The following EGFL8 variants were observed in gnomAD, a reference collection of about 807,000 sequenced individuals.
EGFL8 encodes the protein epidermal growth factor-like protein 8.
In EGFL8, 32 loss-of-function variants were observed where a neutral mutation model predicts 39.4. The observed-to-expected ratio is 0.81, with a 90% CI of 0.61 to 1.09. The LOEUF (loss-of-function observed/expected upper bound fraction) is 1.09, where lower values mean the gene tolerates loss of function less well. Ranked by LOEUF, EGFL8 falls within the 50% of genes least tolerant of loss-of-function variation. EGFL8 has a pLI of 0.00. For synonymous variants in EGFL8, 177 were observed against 168.5 expected (o/e 1.05, Z -0.39); for missense variants, 385 against 402.2 (o/e 0.96, Z 0.37).
rs1561837574 is a variant in EGFL8, at chr6:32,167,447, G to C, written c.681+18G>C. ...TGGAGCAGGTGAGCCAAGCCTGCTG[G>C]GTGGGGCGAGGCCAGACGTCACTGT... On this transcript the variant is annotated intron_variant, in intron 7 of 8. Transcript: ENST00000333845. The surrounding 1 kb of genome is among the most constrained non-coding windows in gnomAD (Gnocchi z 6.4). 1 of 1,612,430 alleles carries C rather than the reference G, an allele frequency of 6.2e-7. No homozygotes were observed. Among genetic ancestry groups the C allele is most frequent in the South Asian group, 1.1e-5 (1 of 91,084 alleles).
Position 32,166,322 on chromosome 6 carries a change from G to A in EGFL8, c.101+56G>A. The A allele has an allele frequency of 6.2e-7, 1 of 1,601,636 alleles. No homozygotes were observed. The highest frequency in any genetic ancestry group is 1.1e-5 in the South Asian group (1 of 90,764). ...AGCTCTTCTCAGGAGCCTTCTGCTGGGGGTGGGGCTTCACAGGAGGCAAAA... is the reference window on the plus strand; with the variant it reads ...AGCTCTTCTCAGGAGCCTTCTGCTGAGGGTGGGGCTTCACAGGAGGCAAAA... On this transcript the variant is annotated intron_variant, in intron 2 of 8. Coordinates refer to ENST00000333845, the MANE Select transcript of EGFL8 (RefSeq NM_030652.4). The surrounding 1 kb of genome is among the most constrained non-coding windows in gnomAD (Gnocchi z 7.3).
rs1266005901 is a variant in EGFL8, at chr6:32,164,803, G to C, written c.-29+146G>C. 3.2e-6 allele frequency: 2 copies of C among 630,166 alleles called. No individual in the cohort carries two copies. Among genetic ancestry groups the C allele is most frequent in the Non-Finnish European group, 5.9e-6 (2 of 341,802 alleles). The allele number at this position is 630,166 out of a possible 1,614,324, so 39.0% of individuals were successfully genotyped here. On this transcript the variant is annotated intron_variant, in intron 1 of 8. Coordinates refer to ENST00000333845, the MANE Select transcript of EGFL8 (RefSeq NM_030652.4). This position sits in a 1 kb window ranked among gnomAD's most constrained non-coding sequence, Gnocchi z 5.4. ...TGTGCATTTAGGGCGTTATGTGACG[G>C]TGTGGGTATATGAGGGGAGTAGCAG...
chr6:32,167,454 C>T lies in EGFL8; in HGVS notation c.681+25C>T, dbSNP rs376334907. 20 of 1,611,794 alleles carry T rather than the reference C, an allele frequency of 1.2e-5. No individual in the cohort carries two copies. The highest frequency in any genetic ancestry group is 1.6e-4 in the Middle Eastern group (1 of 6,084). ...GGTGAGCCAAGCCTGCTGGGTGGGGCGAGGCCAGACGTCACTGTCAATACC... is the reference window on the plus strand; with the variant it reads ...GGTGAGCCAAGCCTGCTGGGTGGGGTGAGGCCAGACGTCACTGTCAATACC... On this transcript the variant is annotated intron_variant, in intron 7 of 8. Coordinates refer to ENST00000333845, the MANE Select transcript of EGFL8 (RefSeq NM_030652.4). This position sits in a 1 kb window ranked among gnomAD's most constrained non-coding sequence, Gnocchi z 6.4.
In EGFL8 at chr6:32,168,089, G is replaced by C; in HGVS notation, c.*133G>C. The C allele has an allele frequency of 5.1e-6, 5 of 971,370 alleles. No individual in the cohort carries two copies. Among genetic ancestry groups the C allele is most frequent in the South Asian group, 1.5e-5 (1 of 67,604 alleles). The allele number at this position is 971,370 out of a possible 1,614,324, so 60.2% of individuals were successfully genotyped here. On this transcript the variant is annotated 3_prime_UTR_variant, in exon 9 of 9. Coordinates refer to ENST00000333845, the MANE Select transcript of EGFL8 (RefSeq NM_030652.4). The surrounding 1 kb of genome is among the most constrained non-coding windows in gnomAD (Gnocchi z 4.5). ...AGCAATGAACAATGGAAACTTCAGAGAGCTGAAGAAAGGGGGAGGCCTGTG... is the reference window on the plus strand; with the variant it reads ...AGCAATGAACAATGGAAACTTCAGACAGCTGAAGAAAGGGGGAGGCCTGTG...
Position 32,167,650 on chromosome 6 carries a change from G to C in EGFL8, c.829G>C (p.Gly277Arg), listed in dbSNP as rs35587174. ...GGTGCTGCTGCTGGAGGAGAGGCTA[G>C]GTGCCTGTGAGTCCTCACACTCCTC... is the stretch of plus-strand genomic sequence containing the variant. ...DQVLLLEERLGACSCEDNSLG... is the reference protein window; with the variant it reads ...DQVLLLEERLRACSCEDNSLG... The change falls in exon 8 of 9, where the codon GGT (glycine) becomes CGT (arginine). Residue 277 changes from glycine to arginine, a missense_variant. By Grantham distance (125) the Gly-to-Arg change is moderately radical. Transcript: ENST00000333845. The surrounding 1 kb of genome is among the most constrained non-coding windows in gnomAD (Gnocchi z 6.4). The C allele has an allele frequency of 3.7e-6, 6 of 1,606,054 alleles. No individual in the cohort carries two copies. The highest frequency in any genetic ancestry group is 4.2e-6 in the Non-Finnish European group (5 of 1,177,422).
chr6:32,167,909 G>A lies in EGFL8; in HGVS notation c.836-1G>A, dbSNP rs761837516. On this transcript the variant is annotated splice_acceptor_variant, in intron 8 of 8. Transcript: ENST00000333845. LOFTEE classifies it high-confidence loss of function. This position sits in a 1 kb window ranked among gnomAD's most constrained non-coding sequence, Gnocchi z 6.4. ...ACTGTGTCTGCCATGTCATTAACCA[G>A]GCTCCTGTGAGGACAACAGCCTGGG... The A allele has an allele frequency of 6.2e-7, 1 of 1,614,176 alleles. No individual in the cohort carries two copies. The highest frequency in any genetic ancestry group is 8.5e-7 in the Non-Finnish European group (1 of 1,180,038).
rs1434001330 is a variant in EGFL8, at chr6:32,164,659, T to G, written c.-29+2T>G. ...AGCCTCCCAGGAGAAAGAAGCCAGG[T>G]GGGAATGGAGAGAGAGAGGAAGGCA... On this transcript the variant is annotated splice_donor_variant, in intron 1 of 8. Transcript: ENST00000333845. LOFTEE classifies it low-confidence loss of function (5UTR_SPLICE). This position sits in a 1 kb window ranked among gnomAD's most constrained non-coding sequence, Gnocchi z 5.4. 1 of 717,012 alleles carries G rather than the reference T, an allele frequency of 1.4e-6. No individual in the cohort carries two copies. Among genetic ancestry groups the G allele is most frequent in the Admixed American group, 2.0e-5 (1 of 50,142 alleles). The allele number at this position is 717,012 out of a possible 1,614,324, so 44.4% of individuals were successfully genotyped here.
In EGFL8 at chr6:32,167,348, A is replaced by C. The variant is rs2127406163; in HGVS notation, c.602-2A>C. On this transcript the variant is annotated splice_acceptor_variant, in intron 6 of 8. Transcript: ENST00000333845. LOFTEE classifies it high-confidence loss of function. This position sits in a 1 kb window ranked among gnomAD's most constrained non-coding sequence, Gnocchi z 6.4. ...CACACTCTTGGTCTCCTTTGTCCCT[A>C]GTTCGGGAGGCGGAAAAAGATGAGC... 1 of 1,612,998 alleles carries C rather than the reference A, an allele frequency of 6.2e-7. No individual in the cohort carries two copies. Among genetic ancestry groups the C allele is most frequent in the East Asian group, 2.2e-5 (1 of 44,872 alleles).
At position 32,167,926 on chromosome 6, in the gene EGFL8, C is replaced by G; in HGVS notation, c.852C>G (p.Asn284Lys). 6.2e-7 allele frequency: 1 copy of G among 1,614,224 alleles called. No individual in the cohort carries two copies. The highest frequency in any genetic ancestry group is 8.5e-7 in the Non-Finnish European group (1 of 1,180,034). The change falls in exon 9 of 9, where the codon AAC (asparagine) becomes AAG (lysine). Residue 284 changes from asparagine to lysine, a missense_variant. Physicochemically the swap from Asn to Lys is moderately conservative, Grantham distance 94 (BLOSUM62 0). Transcript: ENST00000333845. The surrounding 1 kb of genome is among the most constrained non-coding windows in gnomAD (Gnocchi z 6.4). ...ATTAACCAGGCTCCTGTGAGGACAACAGCCTGGGCCTCGGCGTCAATCATC... is the reference window on the plus strand; with the variant it reads ...ATTAACCAGGCTCCTGTGAGGACAAGAGCCTGGGCCTCGGCGTCAATCATC... The part of the protein sequence containing the change: ...ERLGACSCED[N>K]SLGLGVNHR
rs778719150 is a variant in EGFL8 at position 32,166,543 on chromosome 6, C to T, written c.147C>T (p.Tyr49=). 4 of 1,613,882 alleles carry T rather than the reference C, an allele frequency of 2.5e-6. No individual in the cohort carries two copies. The Admixed American group carries it at 6.7e-5, about 27-fold the overall frequency. Residue 49 remains tyrosine, a synonymous_variant, in exon 3 of 9, where the codon TAC becomes TAT. Transcript: ENST00000333845. The surrounding 1 kb of genome is among the most constrained non-coding windows in gnomAD (Gnocchi z 7.3). ...SKQTLVVPLH[Y]NESYSQPVYK... The stretch of plus-strand genomic sequence containing the variant: ...AGACACTGGTGGTCCCGCTCCACTA[C>T]AACGAGTCCTACAGCCAACCAGTGT...
At position 32,166,751 on chromosome 6, in the gene EGFL8, C is replaced by G; in HGVS notation, c.275C>G (p.Thr92Ser). The G allele has an allele frequency of 6.3e-7, 1 of 1,583,746 alleles. No individual in the cohort carries two copies. Residue 92 changes from threonine (T) to serine (S), a missense_variant, in exon 4 of 9, where the codon ACC becomes AGC. Transcript: ENST00000333845. This position sits in a 1 kb window ranked among gnomAD's most constrained non-coding sequence, Gnocchi z 7.3. ...GAGGTGAGGCGGGAGGTTCAGCAGA[C>G]CCATGCAGTGTGCTGCCAGGGCTGG... ...WREVRREVQQTHAVCCQGWKK... is the reference protein window; with the variant it reads ...WREVRREVQQSHAVCCQGWKK...
In EGFL8 at chr6:32,168,220, T is replaced by C. The variant is rs550052694; in HGVS notation, c.*264T>C. 2 of 485,412 alleles carry C rather than the reference T, an allele frequency of 4.1e-6. No homozygotes were observed. Among genetic ancestry groups the C allele is most frequent in the East Asian group, 6.2e-5 (2 of 32,132 alleles). The allele number at this position is 485,412 out of a possible 1,614,324, so 30.1% of individuals were successfully genotyped here. A position where few individuals can be genotyped will look rare whatever the true frequency, so the allele number is the denominator to read the frequency against. ...AACCACCAACACCCAGATCTCTCTC[T>C]CTCTTTATTTTCAGTTTTTTTGCTG... On this transcript the variant is annotated 3_prime_UTR_variant, in exon 9 of 9. Transcript: ENST00000333845. This position sits in a 1 kb window ranked among gnomAD's most constrained non-coding sequence, Gnocchi z 4.5.
In EGFL8 at chr6:32,168,275, C is replaced by T. The variant is rs147503745; in HGVS notation, c.*319C>T. Reference sequence around the variant, plus strand: ...CCAGATAATTAATAAAAACCAACCACGCAAAACTGGGTCCCACCCTCTCCT... The same window carrying T: ...CCAGATAATTAATAAAAACCAACCATGCAAAACTGGGTCCCACCCTCTCCT... On this transcript the variant is annotated 3_prime_UTR_variant, in exon 9 of 9. Coordinates refer to ENST00000333845, the MANE Select transcript of EGFL8 (RefSeq NM_030652.4). The surrounding 1 kb of genome is among the most constrained non-coding windows in gnomAD (Gnocchi z 4.5). The T allele has an allele frequency of 2.7e-5, 10 of 364,578 alleles. No individual in the cohort carries two copies. Among genetic ancestry groups the T allele is most frequent in the East Asian group, 9.1e-5 (2 of 22,052 alleles). 22.6% of individuals were successfully genotyped at this position (364,578 alleles called of 1,614,324 possible). A position where few individuals can be genotyped will look rare whatever the true frequency, so the allele number is the denominator to read the frequency against.
chr6:32,167,042 T>C lies in EGFL8; in HGVS notation c.430+37T>C, dbSNP rs768085728. 2.5e-6 allele frequency: 4 copies of C among 1,612,964 alleles called. No homozygotes were observed. The highest frequency in any genetic ancestry group is 2.5e-6 in the Non-Finnish European group (3 of 1,179,960). On this transcript the variant is annotated intron_variant, in intron 5 of 8. Coordinates refer to ENST00000333845, the MANE Select transcript of EGFL8 (RefSeq NM_030652.4). The surrounding 1 kb of genome is among the most constrained non-coding windows in gnomAD (Gnocchi z 6.4). The stretch of plus-strand genomic sequence containing the variant: ...TGTCCTCCCCACCTACCCAGGTGCT[T>C]GCCCCCGCCCCCTCTCTCAGCCCCT...
In EGFL8 at chr6:32,167,626, G is replaced by A; in HGVS notation, c.805G>A (p.Val269Met). The A allele has an allele frequency of 6.2e-7, 1 of 1,610,584 alleles. No individual in the cohort carries two copies. Among genetic ancestry groups the A allele is most frequent in the Non-Finnish European group, 8.5e-7 (1 of 1,179,598 alleles). Reference sequence around the variant, plus strand: ...CCGGATCGAATCTCTCAGCGACCAGGTGCTGCTGCTGGAGGAGAGGCTAGG... The same window carrying A: ...CCGGATCGAATCTCTCAGCGACCAGATGCTGCTGCTGGAGGAGAGGCTAGG... ...GDRIESLSDQ[V>M]LLLEERLGAC... Residue 269 changes from valine (V) to methionine (M), a missense_variant, in exon 8 of 9, where the codon GTG (valine) becomes ATG (methionine). Physicochemically the swap from Val to Met is conservative, Grantham distance 21. Coordinates refer to ENST00000333845, the MANE Select transcript of EGFL8 (RefSeq NM_030652.4). This position sits in a 1 kb window ranked among gnomAD's most constrained non-coding sequence, Gnocchi z 6.4.
rs377157586 is a variant in EGFL8 at position 32,166,234 on chromosome 6, C to G, written c.69C>G (p.Gly23=). 3 of 1,613,892 alleles carry G rather than the reference C, an allele frequency of 1.9e-6. No homozygotes were observed. Among genetic ancestry groups the G allele is most frequent in the Non-Finnish European group, 2.5e-6 (3 of 1,179,960 alleles). ...GFSFLLLLIP[G]EGAKGGSLRE... is the part of the protein sequence containing the mutation. ...CCTTCCTCCTGCTACTGATACCAGG[C>G]GAGGGGGCCAAGGGTGGATCCCTCA... The change falls in exon 2 of 9, where the codon GGC becomes GGG. Residue 23 remains glycine, a synonymous_variant. Transcript: ENST00000333845. This position sits in a 1 kb window ranked among gnomAD's most constrained non-coding sequence, Gnocchi z 7.3.
chr6:32,168,159 G>T lies in EGFL8; in HGVS notation c.*203G>T. 1 of 534,402 alleles carries T rather than the reference G, an allele frequency of 1.9e-6. No homozygotes were observed. The allele number at this position is 534,402 out of a possible 1,614,324, so 33.1% of individuals were successfully genotyped here. A position where few individuals can be genotyped will look rare whatever the true frequency, so the allele number is the denominator to read the frequency against. On this transcript the variant is annotated 3_prime_UTR_variant, in exon 9 of 9. Coordinates refer to ENST00000333845, the MANE Select transcript of EGFL8 (RefSeq NM_030652.4). The surrounding 1 kb of genome is among the most constrained non-coding windows in gnomAD (Gnocchi z 4.5). ...TCTTCTGGCTGGGGGCAGGTTGCCT[G>T]GGCAAGAACTGCTTCTTCAATTCCT...
At position 32,166,751 on chromosome 6, in the gene EGFL8, C is replaced by T. The variant is rs1784528817; in HGVS notation, c.275C>T (p.Thr92Ile). Reference protein sequence around the residue: ...WREVRREVQQTHAVCCQGWKK... With the variant: ...WREVRREVQQIHAVCCQGWKK... The stretch of plus-strand genomic sequence containing the variant: ...GAGGTGAGGCGGGAGGTTCAGCAGA[C>T]CCATGCAGTGTGCTGCCAGGGCTGG... The change falls in exon 4 of 9, where the codon ACC becomes ATC. Residue 92 changes from threonine to isoleucine, a missense_variant. Physicochemically the swap from Thr to Ile is moderately conservative, Grantham distance 89. Coordinates refer to ENST00000333845, the MANE Select transcript of EGFL8 (RefSeq NM_030652.4). This position sits in a 1 kb window ranked among gnomAD's most constrained non-coding sequence, Gnocchi z 7.3. 6.3e-7 allele frequency: 1 copy of T among 1,583,628 alleles called. No homozygotes were observed. The highest frequency in any genetic ancestry group is 1.3e-5 in the African/African-American group (1 of 74,286).
At position 32,166,007 on chromosome 6, in the gene EGFL8, G is replaced by C. The variant is rs909190489; in HGVS notation, c.-28-131G>C. 4 of 695,454 alleles carry C rather than the reference G, an allele frequency of 5.8e-6. No homozygotes were observed. The highest frequency in any genetic ancestry group is 1.0e-5 in the Non-Finnish European group (4 of 385,462). The allele number at this position is 695,454 out of a possible 1,614,324, so 43.1% of individuals were successfully genotyped here. A position where few individuals can be genotyped will look rare whatever the true frequency, so the allele number is the denominator to read the frequency against. ...TGTACACACAGGTGTAGGCAATCCT[G>C]GTGGCTAGTATGTAAAAGTGAATGT... On this transcript the variant is annotated intron_variant, in intron 1 of 8. Transcript: ENST00000333845. This position sits in a 1 kb window ranked among gnomAD's most constrained non-coding sequence, Gnocchi z 7.3.
Sources: gnomAD v4.1 joint callset for allele counts on GRCh38, gnomAD v4.1.1 for gene constraint, Gnocchi (gnomAD v3.1) non-coding constraint, MANE v1.5 for transcripts, NCBI Gene and HGNC (gene_info 2026-07-23, HGNC 2026-07-21) for gene names.